Variants in MTUS2 observed in about 807,000 individuals in gnomAD.
The protein encoded by MTUS2 is microtubule associated scaffold protein 2, also known as microtubule-associated tumor suppressor candidate 2.
MTUS2 carries 40 observed loss-of-function variants against 114.1 expected under a neutral mutation model. The ratio of observed to expected loss-of-function variants is 0.35; its 90% confidence interval spans 0.27 to 0.46. The LOEUF is 0.46. Among genes scored for constraint, MTUS2 ranks in the 20% least tolerant of loss-of-function variants. MTUS2 has a pLI of 1.00. For missense variants in MTUS2, 1,679 were observed against 1,705.4 expected (o/e 0.98, Z 0.27); for synonymous variants, 688 against 672.0 (o/e 1.02, Z -0.37).
chr13:29,375,809 G>C (rs1871677009), intron 8 of MTUS2, among the ~76,000 whole-genome samples: 1 of 151,002 alleles, frequency 6.6e-6, no homozygotes, highest in Non-Finnish European at 1.5e-5. Flanking sequence ...AAGGCATACA[G>C]AGTGGTATAA....
intron 6 of MTUS2, among the ~76,000 whole-genome samples, chr13:29,293,409 A>ATACTG (rs557417631): frequency 1.3e-5 from 2 of 152,172 alleles, no homozygotes; most frequent in South Asian, 4.1e-4. Flanking sequence ...AGTCTTTTTA[A>ATACTG]TACTGGATTA....
At chr13:29,039,203 G>T (rs1172009831) in intron 4 of MTUS2, among the ~76,000 whole-genome samples, 3 of 152,208 alleles carry the variant, frequency 2.0e-5, no homozygotes, top group East Asian at 3.9e-4. Flanking sequence ...CTGGGCTCGG[G>T]GCAGCACCCT....
intron 2 of MTUS2, among the ~76,000 whole-genome samples, chr13:28,879,648 TA>T: frequency 6.6e-6 from 1 of 152,340 alleles, no homozygotes; most frequent in African/African-American, 2.4e-5. Flanking sequence ...CTGAATAGGA[TA>T]TTTTGCTCTA....
At chr13:29,201,391 A>T (rs1428702997) in intron 5 of MTUS2, among the ~76,000 whole-genome samples, 2 of 149,398 alleles carry the variant, frequency 1.3e-5, no homozygotes, top group African/African-American at 4.9e-5. Flanking sequence ...TTTTGTTTTG[A>T]GCCTGTGTGT....
At chr13:29,144,838 A>G (rs1892365952) in intron 5 of MTUS2, among the ~76,000 whole-genome samples, 1 of 152,250 alleles carries the variant, frequency 6.6e-6, no homozygotes, top group African/African-American at 2.4e-5. Context: ...CACTCAAGAC[A>G]AAGAGGTTAC....
intron 8 of MTUS2, among the ~76,000 whole-genome samples, chr13:29,409,612 G>T (rs1875063173): frequency 6.6e-5 from 10 of 152,104 alleles, no homozygotes. Flanking sequence ...CCTCTGTAGT[G>T]GTGGGATTAG....
At chr13:29,469,541 G>A (rs759545182) in intron 9 of MTUS2, among the ~76,000 whole-genome samples, 1 of 151,860 alleles carries the variant, frequency 6.6e-6, no homozygotes, top group South Asian at 2.1e-4. Context: ...GCAGGAGAAT[G>A]GCGTGAACCT....
At chr13:29,051,592 C>T (rs1386474682) in intron 4 of MTUS2, among the ~76,000 whole-genome samples, 1 of 152,094 alleles carries the variant, frequency 6.6e-6, no homozygotes, top group African/African-American at 2.4e-5. Flanking sequence ...GGCTCAGCAG[C>T]AACAGCTAGT....
rs746651743 is a variant in MTUS2, at chr13:29,024,958, G to C, written c.260G>C (p.Gly87Ala). 1.9e-6 allele frequency: 3 copies of C among 1,613,516 alleles called. No homozygotes were observed. Among genetic ancestry groups the C allele is most frequent in the African/African-American group, 1.3e-5 (1 of 74,876 alleles). Residue 87 changes from glycine to alanine, a missense_variant, in exon 3 of 16, where the codon GGC becomes GCC. Physicochemically the swap from Gly to Ala is moderately conservative, Grantham distance 60 (BLOSUM62 0). Coordinates refer to ENST00000612955, the MANE Select transcript of MTUS2 (RefSeq NM_001033602.4). The stretch of plus-strand genomic sequence containing the variant: ...CACCAACTTCAGGGCTTTGGGAAAG[G>C]CTCTCAGGCTGGCTCTGCCAGCCTG... ...EFHQLQGFGK[G>A]SQAGSASLKD...
At chr13:29,429,485 GTCT>G in intron 8 of MTUS2, among the ~76,000 whole-genome samples, 1 of 152,230 alleles carries the variant, frequency 6.6e-6, no homozygotes, top group Non-Finnish European at 1.5e-5. Flanking sequence ...GTGTGTTCAA[GTCT>G]TCACAGGAGA....
chr13:28,852,900 A>AATACATACATACATACATACATACATAC (rs11274039), intron 2 of MTUS2, among the ~76,000 whole-genome samples: 126 of 148,606 alleles, frequency 8.5e-4, no homozygotes, highest in African/African-American at 2.7e-3. Flanking sequence ...CTCTGTCTTA[A>AATACATACATACATACATACATACATAC]ATACATACAT....
intron 8 of MTUS2, among the ~76,000 whole-genome samples, chr13:29,408,530 C>T (rs1035891147): frequency 1.3e-5 from 2 of 152,174 alleles, no homozygotes; most frequent in Non-Finnish European, 2.9e-5. Context: ...GTTCTCCAGG[C>T]TGGTCTTGAA....
chr13:29,144,825 C>T (rs1892365374), intron 5 of MTUS2, among the ~76,000 whole-genome samples: 2 of 152,172 alleles, frequency 1.3e-5, no homozygotes, highest in South Asian at 4.1e-4. Flanking sequence ...CAGGTTCCAC[C>T]TGCACTCAAG....
intron 2 of MTUS2, among the ~76,000 whole-genome samples, chr13:28,989,902 G>A (rs374617501): frequency 1.2e-4 from 18 of 150,576 alleles, no homozygotes; most frequent in African/African-American, 4.4e-4. Context: ...TTGATAATGA[G>A]TTCAAATCAT....
At chr13:28,939,997 T>C (rs1882137994) in intron 2 of MTUS2, among the ~76,000 whole-genome samples, 1 of 152,138 alleles carries the variant, frequency 6.6e-6, no homozygotes, top group South Asian at 2.1e-4. Context: ...TTACTCACTA[T>C]CATGAGAACA....
chr13:29,060,543 C>CTTTTTTTTTTT (rs1162860492), intron 4 of MTUS2, among the ~76,000 whole-genome samples: 4 of 101,206 alleles, frequency 4.0e-5, no homozygotes, highest in East Asian at 3.2e-4. Context: ...CCTAGCCCTT[C>CTTTTTTTTTTT]TTTTTTTTTT....
chr13:29,056,678 G>A (rs1888148879), intron 4 of MTUS2, among the ~76,000 whole-genome samples: 3 of 151,900 alleles, frequency 2.0e-5, no homozygotes, highest in African/African-American at 7.3e-5. Flanking sequence ...ATTTCTTGTT[G>A]TGTTTATTTG....
At position 29,025,236 on chromosome 13, in the gene MTUS2, G is replaced by A; in HGVS notation, c.538G>A (p.Ala180Thr). The part of the protein sequence containing the change: ...EELRRHSLER[A>T]SSSVAAVGSL... ...ACTGAGGAGGCATTCTTTGGAAAGA[G>A]CAAGCAGCTCTGTAGCTGCAGTCGG... The change falls in exon 3 of 16, where the codon GCA (alanine) becomes ACA (threonine). Residue 180 changes from alanine (A) to threonine (T), a missense_variant. Ala to Thr is a moderately conservative substitution (Grantham distance 58). Coordinates refer to ENST00000612955, the MANE Select transcript of MTUS2 (RefSeq NM_001033602.4). The A allele has an allele frequency of 6.2e-7, 1 of 1,613,984 alleles. No individual in the cohort carries two copies.
chr13:29,332,925 G>A (rs1169787152), intron 7 of MTUS2, among the ~76,000 whole-genome samples: 5 of 152,014 alleles, frequency 3.3e-5, no homozygotes, highest in East Asian at 1.9e-4. Context: ...GTGAGCCACC[G>A]CGCCCGGCCT....
Sources: gnomAD v4.1 joint callset for allele counts (sites outside exome capture counted in the v4.1 genomes callset) on GRCh38, gnomAD v4.1.1 for gene constraint, MANE v1.5 for transcripts, NCBI Gene and HGNC (gene_info 2026-07-23, HGNC 2026-07-21) for gene names.